The following ANK2 variants were observed in gnomAD, a reference collection of about 807,000 sequenced individuals.
ANK2 encodes the protein ankyrin-2.
A neutral mutation model predicts 360.5 loss-of-function variants in ANK2; 83 were observed. The ratio of observed to expected loss-of-function variants is 0.23; its 90% CI spans 0.19 to 0.28. ANK2 has a LOEUF of 0.28. ANK2 is among the 10% of genes least tolerant of loss of function. The pLI, the probability that ANK2 is intolerant of heterozygous loss-of-function variation, is 1.00. For missense variants in ANK2, 4,201 were observed against 4,795.7 expected (o/e 0.88, Z 3.66); for synonymous variants, 1,740 against 1,759.5 (o/e 0.99, Z 0.28).
rs778361140 is a variant in ANK2 at position 113,369,649 on chromosome 4, C to T, written c.11454C>T (p.Ser3818=). Residue 3818 remains serine (S), a synonymous_variant, in exon 43 of 46, where the codon AGC becomes AGT. Coordinates refer to ENST00000357077, the MANE Select transcript of ANK2 (RefSeq NM_001148.6). The part of the protein sequence containing the change: ...EKLYLQTPTS[S]ERGGSPIIQE... ...TGTACCTCCAGACCCCAACATCCAG[C>T]GAGCGGGGAGGCTCTCCCATCATAC... The T allele has an allele frequency of 2.5e-5, 41 of 1,614,008 alleles. No homozygotes were observed. The highest frequency in any genetic ancestry group is 1.3e-4 in the East Asian group (6 of 44,884).
Position 113,341,823 on chromosome 4 carries a change from G to A in ANK2, c.4029G>A (p.Arg1343=), listed in dbSNP as rs2094333899. 1.2e-6 allele frequency: 2 copies of A among 1,614,126 alleles called. No homozygotes were observed. The highest frequency in any genetic ancestry group is 1.7e-6 in the Non-Finnish European group (2 of 1,180,010). Residue 1343 remains arginine, a synonymous_variant, in exon 33 of 46, where the codon AGG becomes AGA. Transcript: ENST00000357077. ...FAKSHDPIEA[R]LRCFCMTDDK... ...AATCACATGACCCCATTGAAGCCAG[G>A]TTGAGGTGTTTCTGCATGACTGATG...
At chr4:113,033,054 A>C (rs554130510) in intron 2 of ANK2, among the ~76,000 whole-genome samples, 7 of 152,162 alleles carry the variant, frequency 4.6e-5, no homozygotes, top group African/African-American at 1.7e-4. Flanking sequence ...TGGGCCGTTT[A>C]AGTTGGATTA....
intron 4 of ANK2, among the ~76,000 whole-genome samples, chr4:113,207,700 A>G (rs2098969387): frequency 6.6e-6 from 1 of 151,792 alleles, no homozygotes; most frequent in Non-Finnish European, 1.5e-5. Context: ...AAAAAAAAAA[A>G]AAAAAAGAAG....
chr4:113,328,653 A>C (rs1319305607), intron 26 of ANK2, among the ~76,000 whole-genome samples: 1 of 152,200 alleles, frequency 6.6e-6, no homozygotes, highest in African/African-American at 2.4e-5. Context: ...TGAAAACTTT[A>C]AGCGGGCTAG....
the ANK2 span, among the ~76,000 whole-genome samples, chr4:112,743,696 C>T: frequency 2.0e-5 from 3 of 151,884 alleles, no homozygotes; most frequent in East Asian, 5.8e-4. Context: ...GTGTGCGCCA[C>T]CACACCCAGC....
At chr4:113,181,350 C>T (rs2098408654) in intron 2 of ANK2, among the ~76,000 whole-genome samples, 1 of 152,172 alleles carries the variant, frequency 6.6e-6, no homozygotes, top group Admixed American at 6.5e-5. Context: ...CTCCAAGCAG[C>T]CACTCCACTC....
At chr4:112,786,946 G>A in the ANK2 span, among the ~76,000 whole-genome samples, 1 of 151,654 alleles carries the variant, frequency 6.6e-6, no homozygotes, top group Non-Finnish European at 1.5e-5. Context: ...ATGGGGATTC[G>A]CCATGTTGGC....
At chr4:113,086,714 A>T (rs866879760) in intron 1 of ANK2, among the ~76,000 whole-genome samples, 1 of 152,218 alleles carries the variant, frequency 6.6e-6, no homozygotes, top group Admixed American at 6.5e-5. Flanking sequence ...GGCTCTTCAA[A>T]CTTGGGGAGT....
rs558776773 is a variant in ANK2, at chr4:113,021,445, T to A, written c.21+116931T>A. On this transcript the variant is annotated intron_variant, in intron 2 of 30. Coordinates refer to the ANK2 transcript ENST00000503271. ...TTTCCACTCTTGTTTCAAGACAATA[T>A]GGCTTTAAGTAAGAATTTTCCATAT... is the stretch of plus-strand genomic sequence containing the variant. 1.1e-4 allele frequency among the ~76,000 whole-genome samples: 16 copies of A among 151,012 alleles called. No homozygotes were observed. In the East Asian group the frequency reaches 2.7e-3, roughly 26 times the overall value.
intron 4 of ANK2, 132 bp from the exon 5 acceptor site, chr4:113,232,029 A>G: frequency 1.4e-6 from 1 of 690,966 alleles, no homozygotes. Flanking sequence ...CTAGCTTTAT[A>G]ATGATAAATA....
intron 1 of ANK2, among the ~76,000 whole-genome samples, chr4:113,052,061 T>G (rs1160102865): frequency 6.6e-6 from 1 of 152,254 alleles, no homozygotes; most frequent in Non-Finnish European, 1.5e-5. Flanking sequence ...ATGCTATAAT[T>G]GGAAACTTTT....
At chr4:112,865,031 CAAAAAAAAAAAAAAAAAAAAA>C (rs56149739) in intron 1 of ANK2, among the ~76,000 whole-genome samples, 23 of 52,506 alleles carry the variant, frequency 4.4e-4, no homozygotes, top group Middle Eastern at 0.016. Flanking sequence ...GACTCCATCT[CAAAAAAAAAAAAAAAAAAAAA>C]AAAAAAAAAA....
rs578126051 is a variant in ANK2 at position 113,375,491 on chromosome 4, C to T, written c.11859+2042C>T. On this transcript the variant is annotated intron_variant, in intron 45 of 45. Coordinates refer to ENST00000357077, the MANE Select transcript of ANK2 (RefSeq NM_001148.6). ...CTGTAATCCCAGCACTTTGGGAGGC[C>T]GAGGCAGGCGGATCACAAGGTCAGG... 5.9e-5 allele frequency among the ~76,000 whole-genome samples: 9 copies of T among 151,712 alleles called. No homozygotes were observed. The South Asian group carries it at 8.3e-4, about 14-fold the overall frequency.
Position 113,356,496 on chromosome 4 carries a change from A to G in ANK2, c.7878A>G (p.Pro2626=). 1 of 1,614,176 alleles carries G rather than the reference A, an allele frequency of 6.2e-7. No homozygotes were observed. Among genetic ancestry groups the G allele is most frequent in the African/African-American group, 1.3e-5 (1 of 75,066 alleles). The change falls in exon 38 of 46, where the codon CCA becomes CCG. Residue 2626 remains proline (P), a synonymous_variant. Coordinates refer to ENST00000357077, the MANE Select transcript of ANK2 (RefSeq NM_001148.6). Reference sequence around the variant, plus strand: ...AAGAATCTTCTTCATCTTCTGACCCAGATGCTGACTGTTCAGTAGATGTGG... The same window carrying G: ...AAGAATCTTCTTCATCTTCTGACCCGGATGCTGACTGTTCAGTAGATGTGG... ...KQEESSSSSD[P]DADCSVDVDE... is the part of the protein sequence containing the mutation.
intron 11 of ANK2, 31 bp downstream of exon 11, chr4:113,255,963 T>C: frequency 6.2e-7 from 1 of 1,605,542 alleles, no homozygotes; most frequent in Non-Finnish European, 8.5e-7. Flanking sequence ...ATTAACTGAA[T>C]ACAGATTGAG....
the ANK2 span, among the ~76,000 whole-genome samples, chr4:112,802,369 C>A: frequency 3.3e-5 from 5 of 152,200 alleles, no homozygotes; most frequent in Non-Finnish European, 5.9e-5. Context: ...AAGGAGCATG[C>A]AGCTTGCTGC....
At chr4:112,776,741 C>G in the ANK2 span, among the ~76,000 whole-genome samples, 1 of 152,282 alleles carries the variant, frequency 6.6e-6, no homozygotes, top group South Asian at 2.1e-4. Context: ...GTACATTATG[C>G]ACATGTATTT....
chr4:113,275,943 T>G (rs1235697082), intron 15 of ANK2, among the ~76,000 whole-genome samples: 2 of 146,208 alleles, frequency 1.4e-5, no homozygotes, highest in African/African-American at 5.0e-5. Flanking sequence ...CAGTGTTTTT[T>G]TTTTTTTTTT....
rs763205981 is a variant in ANK2, at chr4:113,360,699, G to A, written c.10682-124G>A. The stretch of plus-strand genomic sequence containing the variant: ...TCAGACACACAATATGATCTGAAAT[G>A]TAGTATCTAGTTTGTGCTTTCAAAT... On this transcript the variant is annotated intron_variant, in intron 38 of 45. Transcript: ENST00000357077. 394 of 801,796 alleles carry A rather than the reference G, an allele frequency of 4.9e-4. 2 individuals are homozygous for A. Among genetic ancestry groups the A allele is most frequent in the Non-Finnish European group, 7.7e-4 (359 of 466,152 alleles). 49.7% of individuals were successfully genotyped at this position (801,796 alleles called of 1,614,324 possible).
Sources: gnomAD v4.1 joint callset for allele counts (sites outside exome capture counted in the v4.1 genomes callset) on GRCh38, gnomAD v4.1.1 for gene constraint, MANE v1.5 for transcripts, NCBI Gene and HGNC (gene_info 2026-07-23, HGNC 2026-07-21) for gene names.